The following TRIM37 variants were observed in gnomAD, a reference collection of about 807,000 sequenced individuals.
TRIM37 encodes tripartite motif containing 37.
In TRIM37, 80 loss-of-function variants were observed where a neutral mutation model predicts 129.8. The ratio of observed to expected loss-of-function variants is 0.62; its 90% confidence interval spans 0.51 to 0.74. The LOEUF (loss-of-function observed/expected upper bound fraction) is 0.74, where lower values mean the gene tolerates loss of function less well. TRIM37 is among the 30% of genes least tolerant of loss of function. TRIM37 has a pLI of 0.00. For missense variants in TRIM37, 1,054 were observed against 1,176.5 expected, an observed-to-expected ratio of 0.90 and a Z score of 1.52; for synonymous variants, 389 against 387.1, an observed-to-expected ratio of 1.00 and a Z score of -0.06.
At chr17:58,995,662 T>C (rs1016917448), downstream of TRIM37, among the ~76,000 whole-genome samples, 1 of 152,122 alleles carries the variant, frequency 6.6e-6, no homozygotes, top group Non-Finnish European at 1.5e-5. Flanking sequence ...ATTAGTGAAT[T>C]AGAAAAGTAC....
intron 14 of TRIM37, among the ~76,000 whole-genome samples, chr17:59,050,804 CCTGT>C (rs2040264918): frequency 6.6e-6 from 1 of 152,040 alleles, no homozygotes; most frequent in African/African-American, 2.4e-5. Flanking sequence ...ACTGTGAAAC[CCTGT>C]CTCTACTAAA....
intron 2 of TRIM37, among the ~76,000 whole-genome samples, chr17:59,103,191 G>C (rs953583884): frequency 2.0e-5 from 3 of 152,122 alleles, no homozygotes; most frequent in Admixed American, 2.0e-4. Flanking sequence ...CAGAAAGTTT[G>C]AGGTGAAGAG....
intron 12 of TRIM37, among the ~76,000 whole-genome samples, chr17:59,057,345 G>C (rs2041043510): frequency 6.6e-6 from 1 of 152,126 alleles, no homozygotes; most frequent in African/African-American, 2.4e-5. Context: ...CTACAGAGTA[G>C]CTGAGATTAC....
the TRIM37 span, among the ~76,000 whole-genome samples, chr17:58,975,418 C>T: frequency 3.9e-5 from 6 of 152,294 alleles, no homozygotes; most frequent in Admixed American, 6.5e-5. Context: ...GGGAGGAATG[C>T]CTGAGCCCAG....
intron 7 of TRIM37, among the ~76,000 whole-genome samples, chr17:59,077,401 A>T (rs2146957532): frequency 1.3e-5 from 2 of 152,256 alleles, no homozygotes; most frequent in South Asian, 4.1e-4. Context: ...AAAAGAGTTA[A>T]AATAAAGTAT....
intron 19 of TRIM37, among the ~76,000 whole-genome samples, chr17:59,021,731 A>G (rs1305423056): frequency 6.6e-6 from 1 of 152,194 alleles, no homozygotes; most frequent in East Asian, 1.9e-4. Flanking sequence ...ACAGTCTACA[A>G]TAATTTATTG....
At chr17:59,035,511 T>C (rs1462878553) in intron 17 of TRIM37, among the ~76,000 whole-genome samples, 1 of 151,662 alleles carries the variant, frequency 6.6e-6, no homozygotes, top group Non-Finnish European at 1.5e-5. Context: ...CCCAGCACTT[T>C]CAGAGGCCGA....
In TRIM37 at chr17:59,028,432, T is replaced by C. The variant is rs143613788; in HGVS notation, c.2240A>G (p.Asn747Ser). The C allele has an allele frequency of 4.4e-4, 713 of 1,613,128 alleles. No individual in the cohort carries two copies. The highest frequency in any genetic ancestry group is 6.9e-4 in the African/African-American group (52 of 75,060). The change falls in exon 19 of 24, where the codon AAT becomes AGT. Residue 747 changes from asparagine (N) to serine (S), a missense_variant. Around this residue, in one of 3 missense-constraint regions of TRIM37, gnomAD observed 287 missense variants for 274.3 expected, o/e 1.05. Coordinates refer to ENST00000262294, the MANE Select transcript of TRIM37 (RefSeq NM_015294.6). ...TTACTTACAGTTTCGTATGTAACAA[T>C]TGGCAACTGATGACTTTGCCAGGAG... is the stretch of plus-strand genomic sequence containing the variant. ...MELLAKSSVA[N>S]CYIRNSTNKK...
Position 59,015,785 on chromosome 17 carries a change from A to C in TRIM37, c.2401T>G (p.Ser801Ala). 1 of 1,613,226 alleles carries C rather than the reference A, an allele frequency of 6.2e-7. No homozygotes were observed. Among genetic ancestry groups the C allele is most frequent in the South Asian group, 1.1e-5 (1 of 91,044 alleles). Residue 801 changes from serine to alanine, a missense_variant, in exon 21 of 24, where the codon TCT becomes GCT. Around this residue, in one of 3 missense-constraint regions of TRIM37, gnomAD observed 287 missense variants for 274.3 expected, o/e 1.05. Transcript: ENST00000262294. ...GAACTGTGCCTGCTCCCAGACTGAG[A>C]GCTTCCTGGGGAGCCTTCAAAAAAA... is the stretch of plus-strand genomic sequence containing the variant. ...QTLSEGSPGS[S>A]QSGSRHSSPR...
chr17:58,972,759 T>A, the TRIM37 span: 2 of 1,318,426 alleles, frequency 1.5e-6, no homozygotes, highest in East Asian at 2.3e-5. Context: ...ATTATATCTG[T>A]TGTTTACTGT....
rs150014115 is a variant in TRIM37, at chr17:59,078,589, C to A, written c.616+1165G>T. Among the ~76,000 whole-genome samples the A allele has an allele frequency of 3.2e-3, 488 of 152,272 alleles. 1 individual carries two copies. The highest frequency in any genetic ancestry group is 0.01 in the Middle Eastern group (3 of 292). ...TTAAAGTCCTAATACGTATCAACAT[C>A]CAGTACTCTACATGGCTTAATGAAC... is the stretch of plus-strand genomic sequence containing the variant. On this transcript the variant is annotated intron_variant, in intron 7 of 23. Coordinates refer to ENST00000262294, the MANE Select transcript of TRIM37 (RefSeq NM_015294.6).
chr17:59,035,234 T>C (rs2038332739), intron 17 of TRIM37, among the ~76,000 whole-genome samples: 1 of 151,758 alleles, frequency 6.6e-6, no homozygotes, highest in Non-Finnish European at 1.5e-5. Flanking sequence ...TAATTTTTTC[T>C]ACTTTCAGTA....
intron 3 of TRIM37, 46 bp from the exon 4 acceptor site, chr17:59,088,453 T>C (rs758026161): frequency 1.0e-5 from 11 of 1,084,822 alleles, no homozygotes; most frequent in Non-Finnish European, 1.6e-5. Flanking sequence ...GAATTTGAGA[T>C]TATTTTATAA....
downstream of TRIM37, chr17:58,998,151 A>G: frequency 1.1e-6 from 1 of 902,558 alleles, no homozygotes; most frequent in Non-Finnish European, 1.3e-6. Context: ...TGAGGCAATG[A>G]GTAGAAAAGA....
chr17:59,081,866 C>T (rs1256059408), intron 5 of TRIM37, among the ~76,000 whole-genome samples: 1 of 147,742 alleles, frequency 6.8e-6, no homozygotes, highest in East Asian at 2.0e-4. Context: ...GTGATCGGGC[C>T]ACTGTACTCC....
chr17:59,071,083 TAAG>T, intron 8 of TRIM37, 136 bp from the exon 9 acceptor site: 3 of 991,678 alleles, frequency 3.0e-6, no homozygotes, highest in Non-Finnish European at 4.4e-6. Context: ...GCTTGAGAAT[TAAG>T]AATGTACAAA....
chr17:59,020,975 T>C (rs1170938201), intron 19 of TRIM37, among the ~76,000 whole-genome samples: 2 of 152,186 alleles, frequency 1.3e-5, no homozygotes, highest in Non-Finnish European at 2.9e-5. Flanking sequence ...CCACTGCTGG[T>C]TATATACCCA....
Position 59,051,293 on chromosome 17 carries a change from G to A in TRIM37, c.1235C>T (p.Ser412Phe). ...AGTAATGTACCAATGCTGGTCCCGG[G>A]ATTTTTGAAAGAAAGTTGGTGAACG... ...QVRSPTFFQK[S>F]RDQHWYITQL... Residue 412 changes from serine to phenylalanine, a missense_variant, in exon 14 of 24, where the codon TCC becomes TTC. Ser to Phe is a radical substitution (Grantham distance 155). Transcript: ENST00000262294. 1 of 1,613,774 alleles carries A rather than the reference G, an allele frequency of 6.2e-7. No individual in the cohort carries two copies. Among genetic ancestry groups the A allele is most frequent in the Non-Finnish European group, 8.5e-7 (1 of 1,179,888 alleles).
At position 58,998,293 on chromosome 17, in the gene TRIM37, G is replaced by T; in HGVS notation, c.*1084C>A. 1.0e-6 allele frequency: 1 copy of T among 985,268 alleles called. No individual in the cohort carries two copies. Among genetic ancestry groups the T allele is most frequent in the Non-Finnish European group, 1.2e-6 (1 of 829,832 alleles). 61.0% of individuals were successfully genotyped at this position (985,268 alleles called of 1,614,324 possible). The stretch of plus-strand genomic sequence containing the variant: ...CAGCATTCAGCAAGACATCAGACAC[G>T]GAAGAGTGAACAATATTCACTAAGT... On this transcript the variant is annotated 3_prime_UTR_variant, in exon 24 of 24. Transcript: ENST00000262294.
Sources: gnomAD v4.1 joint callset for allele counts (sites outside exome capture counted in the v4.1 genomes callset) on GRCh38, gnomAD v4.1.1 for gene constraint, gnomAD v4.1.1 regional missense constraint, MANE v1.5 for transcripts, NCBI Gene and HGNC (gene_info 2026-07-23, HGNC 2026-07-21) for gene names.